PCDHGA4: variants seen among roughly 807,000 people sequenced by gnomAD.
The protein encoded by PCDHGA4 is protocadherin gamma-A4.
Under a neutral mutation model 54.6 loss-of-function variants are expected in PCDHGA4, and 38 were observed. The observed-to-expected ratio is 0.70, with a 90% CI of 0.54 to 0.91. The LOEUF (loss-of-function observed/expected upper bound fraction) is 0.91. Ranked by LOEUF, PCDHGA4 falls within the 40% of genes least tolerant of loss-of-function variation. The pLI, the probability that PCDHGA4 is intolerant of heterozygous loss-of-function variation, is 0.00. For missense variants in PCDHGA4, 1,298 were observed against 1,220.9 expected, an observed-to-expected ratio of 1.06 and a Z score of -0.94; for synonymous variants, 511 against 512.9, an observed-to-expected ratio of 1.00 and a Z score of 0.05.
intron 1 of PCDHGA4, chr5:141,392,382 T>A (rs1463242705): frequency 6.5e-6 from 1 of 154,612 alleles, no homozygotes; most frequent in Non-Finnish European, 1.4e-5. Context: ...TCTGATCTAA[T>A]CTGATCATTT....
chr5:141,475,741 G>C (rs1455125695), intron 1 of PCDHGA4, among the ~76,000 whole-genome samples: 1 of 152,268 alleles, frequency 6.6e-6, no homozygotes, highest in Non-Finnish European at 1.5e-5. Flanking sequence ...CCCTAAGGTA[G>C]GTTTCCTATG....
At chr5:141,501,550 A>G (rs1251701030) in intron 2 of PCDHGA4, among the ~76,000 whole-genome samples, 3 of 152,078 alleles carry the variant, frequency 2.0e-5, no homozygotes, top group Non-Finnish European at 4.4e-5. Flanking sequence ...ATAAGATCAT[A>G]GGCCCTGGAA....
chr5:141,376,016 G>A, intron 1 of PCDHGA4: 7 of 1,613,318 alleles, frequency 4.3e-6, no homozygotes, highest in Non-Finnish European at 5.9e-6. Flanking sequence ...CCTAGTGGTG[G>A]CCGTCCAGGA....
intron 1 of PCDHGA4, among the ~76,000 whole-genome samples, chr5:141,447,898 C>T (rs531933709): frequency 3.1e-3 from 465 of 152,088 alleles, no homozygotes; most frequent in Non-Finnish European, 5.5e-3. Context: ...CCAGCCTGGC[C>T]AACATGGTGA....
intron 1 of PCDHGA4, chr5:141,410,388 C>G (rs1312753736): frequency 6.2e-7 from 1 of 1,613,962 alleles, no homozygotes; most frequent in African/African-American, 1.3e-5. Flanking sequence ...TGCTTCCATC[C>G]TGGTCTCTGT....
chr5:141,451,007 T>A (rs2098704118), intron 1 of PCDHGA4, among the ~76,000 whole-genome samples: 1 of 151,594 alleles, frequency 6.6e-6, no homozygotes, highest in Non-Finnish European at 1.5e-5. Flanking sequence ...TTGTATTTTT[T>A]TTAGTAGAGA....
In PCDHGA4 at chr5:141,398,897, C is replaced by A. The variant is rs761364649; in HGVS notation, c.2514+41276C>A. On this transcript the variant is annotated intron_variant, in intron 1 of 3. Coordinates refer to ENST00000571252, the MANE Select transcript of PCDHGA4 (RefSeq NM_018917.4). The stretch of plus-strand genomic sequence containing the variant: ...GTCAGCCTTCGGGAAAACGTGCCAC[C>A]AGGCACCACTGTGTTGCAAGTGTCA... 6 of 1,613,932 alleles carry A rather than the reference C, an allele frequency of 3.7e-6. No homozygotes were observed. The South Asian group carries it at 6.6e-5, about 18-fold the overall frequency.
chr5:141,417,892 C>G lies in PCDHGA4; in HGVS notation c.2514+60271C>G, dbSNP rs550343206. On this transcript the variant is annotated intron_variant, in intron 1 of 3. Coordinates refer to ENST00000571252, the MANE Select transcript of PCDHGA4 (RefSeq NM_018917.4). Reference sequence around the variant, plus strand: ...GGAGCTGCGCGCAGAGGCGCCGGGCCGGCCCGCGGCAGGTACTATTTCCTT... The same window carrying G: ...GGAGCTGCGCGCAGAGGCGCCGGGCGGGCCCGCGGCAGGTACTATTTCCTT... 2.2e-4 allele frequency: 348 copies of G among 1,570,774 alleles called. 2 individuals carry two copies. The South Asian group carries it at 3.7e-3, about 17-fold the overall frequency.
chr5:141,439,588 T>C (rs2098121813), intron 1 of PCDHGA4, among the ~76,000 whole-genome samples: 2 of 152,200 alleles, frequency 1.3e-5, no homozygotes, highest in South Asian at 4.1e-4. Flanking sequence ...AGTGCCACTG[T>C]TGGCCAGTCT....
At chr5:141,407,738 A>G (rs928743977) in intron 1 of PCDHGA4, among the ~76,000 whole-genome samples, 3 of 152,046 alleles carry the variant, frequency 2.0e-5, no homozygotes, top group Admixed American at 2.0e-4. Context: ...CACTATATAT[A>G]CTCCCTACTG....
chr5:141,397,268 T>A (rs532503951), intron 1 of PCDHGA4, among the ~76,000 whole-genome samples: 2 of 152,298 alleles, frequency 1.3e-5, no homozygotes, highest in South Asian at 4.1e-4. Context: ...CTTAGCTACA[T>A]CATATGGGCA....
chr5:141,388,773 G>C, intron 1 of PCDHGA4: 4 of 1,613,808 alleles, frequency 2.5e-6, no homozygotes, highest in Non-Finnish European at 3.4e-6. Context: ...CTCTAACACC[G>C]GGGAAATTAC....
chr5:141,486,400 T>G lies in PCDHGA4; in HGVS notation c.2515-8407T>G. On this transcript the variant is annotated intron_variant, in intron 1 of 3. Transcript: ENST00000571252. This position sits in a 1 kb window ranked among gnomAD's most constrained non-coding sequence, Gnocchi z 5.0. Reference sequence around the variant, plus strand: ...TCAGGAACCAGTTCTCCCTGGTGACTGCTGGACCCTTGGATCGAGAGGCCA... The same window carrying G: ...TCAGGAACCAGTTCTCCCTGGTGACGGCTGGACCCTTGGATCGAGAGGCCA... 5.0e-6 allele frequency: 8 copies of G among 1,614,194 alleles called. No homozygotes were observed. The highest frequency in any genetic ancestry group is 6.8e-6 in the Non-Finnish European group (8 of 1,180,028).
intron 1 of PCDHGA4, among the ~76,000 whole-genome samples, chr5:141,453,065 G>A (rs1308047230): frequency 3.3e-5 from 5 of 151,960 alleles, no homozygotes; most frequent in African/African-American, 1.2e-4. Flanking sequence ...TTAGAGTTTT[G>A]CCACACTCTG....
chr5:141,380,273 G>A (rs1174536963), intron 1 of PCDHGA4, among the ~76,000 whole-genome samples: 1 of 152,076 alleles, frequency 6.6e-6, no homozygotes, highest in Admixed American at 6.6e-5. Context: ...AAATCTCAGA[G>A]GAGAAACATT....
At chr5:141,463,725 C>T (rs1259646105) in intron 1 of PCDHGA4, among the ~76,000 whole-genome samples, 2 of 152,026 alleles carry the variant, frequency 1.3e-5, no homozygotes, top group Non-Finnish European at 1.5e-5. Context: ...GGATTACAGG[C>T]ATGAGCCACC....
intron 1 of PCDHGA4, among the ~76,000 whole-genome samples, chr5:141,462,574 C>T (rs1308899602): frequency 2.0e-5 from 3 of 152,036 alleles, no homozygotes; most frequent in Non-Finnish European, 4.4e-5. Context: ...TTGCTAATCC[C>T]ATCCAGTGAA....
chr5:141,365,523 T>C lies in PCDHGA4; in HGVS notation c.2514+7902T>C, dbSNP rs1445858385. 1 of 1,613,750 alleles carries C rather than the reference T, an allele frequency of 6.2e-7. No homozygotes were observed. The highest frequency in any genetic ancestry group is 1.7e-5 in the Admixed American group (1 of 60,002). ...TTGCCTTTTAAATTGGAGAAGTCAG[T>C]TGATAATTACTATCACCTATTAACA... is the stretch of plus-strand genomic sequence containing the variant. On this transcript the variant is annotated intron_variant, in intron 1 of 3. Coordinates refer to ENST00000571252, the MANE Select transcript of PCDHGA4 (RefSeq NM_018917.4).
chr5:141,510,280 A>G (rs1218058358), intron 3 of PCDHGA4, among the ~76,000 whole-genome samples: 1 of 151,892 alleles, frequency 6.6e-6, no homozygotes, highest in Non-Finnish European at 1.5e-5. Context: ...CTTAAAAAAA[A>G]AAAAAAAAAA....
Sources: allele counts gnomAD v4.1 joint callset (sites outside exome capture counted in the v4.1 genomes callset), GRCh38; gene constraint gnomAD v4.1.1; non-coding constraint Gnocchi (gnomAD v3.1); transcripts MANE v1.5; gene names NCBI Gene and HGNC (gene_info 2026-07-23, HGNC 2026-07-21).